Variants in ROR2 observed in about 807,000 individuals in gnomAD.
The protein encoded by ROR2 is tyrosine-protein kinase transmembrane receptor ROR2.
In ROR2, 33 loss-of-function variants were observed where a neutral mutation model predicts 74.9. The ratio of observed to expected loss-of-function variants is 0.44; its 90% confidence interval spans 0.33 to 0.59. The LOEUF (loss-of-function observed/expected upper bound fraction) is 0.59, where lower values mean the gene tolerates loss of function less well. Among genes scored for constraint, ROR2 ranks in the 20% least tolerant of loss-of-function variants. ROR2 has a pLI of 0.02. For synonymous variants in ROR2, 586 were observed against 558.7 expected (o/e 1.05, Z -0.69); for missense variants, 1,216 against 1,313.8 (o/e 0.93, Z 1.15).
At chr9:91,942,767 A>C (rs1831909238) in intron 1 of ROR2, among the ~76,000 whole-genome samples, 1 of 152,182 alleles carries the variant, frequency 6.6e-6, no homozygotes, top group African/African-American at 2.4e-5. Flanking sequence ...TGGCGATAGA[A>C]GTCAAAGTGA....
rs973805977 is a variant in ROR2 at position 91,828,449 on chromosome 9, C to A, written c.98-52631G>T. ...ATATTCTCGGCAGGGTGCGGTGGCT[C>A]ACACCTGTAATCCCAGCACTTTGTG... is the stretch of plus-strand genomic sequence containing the variant. On this transcript the variant is annotated intron_variant, in intron 1 of 8. Transcript: ENST00000375708. 6.6e-5 allele frequency among the ~76,000 whole-genome samples: 10 copies of A among 152,324 alleles called. No homozygotes were observed. The South Asian group carries it at 2.1e-3, about 32-fold the overall frequency.
chr9:91,847,514 A>G (rs1239797779), intron 1 of ROR2, among the ~76,000 whole-genome samples: 3 of 152,190 alleles, frequency 2.0e-5, no homozygotes, highest in Admixed American at 6.5e-5. Context: ...CTTCCCACAT[A>G]AAGAGACTTG....
intron 1 of ROR2, among the ~76,000 whole-genome samples, chr9:91,833,217 C>T (rs1828517751): frequency 1.3e-5 from 2 of 152,150 alleles, no homozygotes; most frequent in South Asian, 4.1e-4. Context: ...GGAGGAAGGA[C>T]CCCCAAGGCT....
intron 1 of ROR2, among the ~76,000 whole-genome samples, chr9:91,909,840 T>TA (rs1564032205): frequency 2.4e-4 from 22 of 91,208 alleles, no homozygotes; most frequent in African/African-American, 1.2e-3. Context: ...TTTTTTAGGT[T>TA]TGTTTTGTTT....
At chr9:91,908,271 G>A (rs1830869103) in intron 1 of ROR2, among the ~76,000 whole-genome samples, 1 of 152,232 alleles carries the variant, frequency 6.6e-6, no homozygotes, top group Admixed American at 6.5e-5. Context: ...AGCTGTGCCT[G>A]GGGCACCCGC....
intron 1 of ROR2, among the ~76,000 whole-genome samples, chr9:91,833,026 C>A (rs1006443338): frequency 2.6e-5 from 4 of 152,156 alleles, no homozygotes; most frequent in Non-Finnish European, 5.9e-5. Context: ...TACACAAAAG[C>A]AGGTGAGGGG....
intron 1 of ROR2, among the ~76,000 whole-genome samples, chr9:91,843,436 C>G (rs189622158): frequency 6.6e-6 from 1 of 152,344 alleles, no homozygotes; most frequent in East Asian, 1.9e-4. Flanking sequence ...CAGAAATGTT[C>G]TTATTTCCGA....
At chr9:91,847,400 C>A (rs1563996680) in intron 1 of ROR2, among the ~76,000 whole-genome samples, 1 of 152,200 alleles carries the variant, frequency 6.6e-6, no homozygotes, top group Non-Finnish European at 1.5e-5. Context: ...TCCCTCGACG[C>A]CCCCTTGCTC....
intron 2 of ROR2, among the ~76,000 whole-genome samples, chr9:91,772,901 C>A (rs974467251): frequency 6.6e-6 from 1 of 152,192 alleles, no homozygotes; most frequent in African/African-American, 2.4e-5. Flanking sequence ...GAGAATCCTA[C>A]CTTAGAGCAC....
intron 1 of ROR2, among the ~76,000 whole-genome samples, chr9:91,858,408 C>A (rs1170384123): frequency 6.6e-6 from 1 of 152,128 alleles, no homozygotes; most frequent in Non-Finnish European, 1.5e-5. Flanking sequence ...TACATTCACA[C>A]AGGCACACAC....
intron 1 of ROR2, among the ~76,000 whole-genome samples, chr9:91,852,486 G>A (rs555147687): frequency 2.0e-5 from 3 of 152,270 alleles, no homozygotes; most frequent in African/African-American, 7.2e-5. Context: ...GGAGGGAGCT[G>A]CATTCAAAAT....
intron 4 of ROR2, among the ~76,000 whole-genome samples, chr9:91,751,830 A>G (rs1825604585): frequency 1.3e-5 from 2 of 152,234 alleles, no homozygotes; most frequent in African/African-American, 2.4e-5. Context: ...ATCTCAATAA[A>G]TTATCAAGAA....
intron 1 of ROR2, among the ~76,000 whole-genome samples, chr9:91,796,154 A>C (rs1827158552): frequency 6.6e-6 from 1 of 152,096 alleles, no homozygotes; most frequent in Non-Finnish European, 1.5e-5. Context: ...TCTAAAGAAC[A>C]CTTTTGGCCA....
At chr9:91,838,996 C>A (rs1828697682) in intron 1 of ROR2, among the ~76,000 whole-genome samples, 1 of 152,090 alleles carries the variant, frequency 6.6e-6, no homozygotes, top group Non-Finnish European at 1.5e-5. Context: ...ACAACGGAAT[C>A]CTGGGCAACG....
At chr9:91,903,684 A>AT (rs1830729662) in intron 1 of ROR2, among the ~76,000 whole-genome samples, 1 of 152,164 alleles carries the variant, frequency 6.6e-6, no homozygotes, top group Non-Finnish European at 1.5e-5. Flanking sequence ...CCAAAGGGAC[A>AT]ACTGCCCACC....
intron 1 of ROR2, among the ~76,000 whole-genome samples, chr9:91,931,069 A>G (rs1831537430): frequency 6.6e-6 from 1 of 152,230 alleles, no homozygotes; most frequent in African/African-American, 2.4e-5. Flanking sequence ...CACTAAAAAT[A>G]GAAACTATGC....
At chr9:91,847,800 C>A (rs1252607374) in intron 1 of ROR2, among the ~76,000 whole-genome samples, 1 of 152,062 alleles carries the variant, frequency 6.6e-6, no homozygotes. Context: ...GAATCACACT[C>A]CCCAGAACTC....
chr9:91,811,047 C>A (rs1247035226), intron 1 of ROR2, among the ~76,000 whole-genome samples: 2 of 152,256 alleles, frequency 1.3e-5, no homozygotes, highest in African/African-American at 2.4e-5. Flanking sequence ...CATGGGAATT[C>A]CCCCTCTCTT....
intron 1 of ROR2, among the ~76,000 whole-genome samples, chr9:91,852,651 C>CACACACACACACA (rs1231343818): frequency 0.022 from 3,153 of 143,102 alleles, 85 homozygotes; most frequent in East Asian, 0.045. Context: ...ACACACACAC[C>CACACACACACACA]CACACACACA....
Sources: gnomAD v4.1 joint callset for allele counts (sites outside exome capture counted in the v4.1 genomes callset) on GRCh38, gnomAD v4.1.1 for gene constraint, MANE v1.5 for transcripts, NCBI Gene and HGNC (gene_info 2026-07-23, HGNC 2026-07-21) for gene names.